The following ABCA5 variants were observed in gnomAD, a reference collection of about 807,000 sequenced individuals.
The protein encoded by ABCA5 is ATP binding cassette subfamily A member 5, also known as cholesterol transporter ABCA5.
ABCA5 carries 163 observed loss-of-function variants against 206.0 expected under a neutral mutation model. That is an observed-to-expected ratio of 0.79 (90% CI 0.70 to 0.90). The LOEUF (loss-of-function observed/expected upper bound fraction) is 0.90, where lower values mean the gene tolerates loss of function less well. ABCA5 is among the 40% of genes least tolerant of loss of function. ABCA5 has a pLI of 0.00. For missense variants in ABCA5, 1,859 were observed against 1,912.9 expected (o/e 0.97, Z 0.53); for synonymous variants, 609 against 613.8 (o/e 0.99, Z 0.11).
Position 69,285,904 on chromosome 17 carries a change from A to G in ABCA5, c.2266T>C (p.Phe756Leu). Residue 756 changes from phenylalanine to leucine, a missense_variant, in exon 17 of 39, where the codon TTT becomes CTT. Physicochemically the swap from Phe to Leu is conservative, Grantham distance 22. Transcript: ENST00000392676. ...GACTTAAAGTAAGTAATACCTGAAA[A>G]TTTGTCCATGTCCTTGAAAGGCAAG... ...YSLPFKDMDK[F>L]SGLFSALDSH... 3.1e-6 allele frequency: 5 copies of G among 1,611,120 alleles called. No individual in the cohort carries two copies. The highest frequency in any genetic ancestry group is 1.3e-5 in the African/African-American group (1 of 74,918).
intron 5 of ABCA5, 146 bp downstream of exon 5, chr17:69,308,134 T>TC (rs397726838): frequency 4.9e-6 from 2 of 408,004 alleles, no homozygotes; most frequent in Non-Finnish European, 8.5e-6. Flanking sequence ...AAATATGACT[T>TC]TTTTATCTTT....
At position 69,311,416 on chromosome 17, in the gene ABCA5, T is replaced by C. The variant is rs370737623; in HGVS notation, c.307+1676A>G. Among the ~76,000 whole-genome samples, 17 of 152,306 alleles carry C rather than the reference T, an allele frequency of 1.1e-4. No individual in the cohort carries two copies. The East Asian group carries it at 1.2e-3, about 10-fold the overall frequency. On this transcript the variant is annotated intron_variant, in intron 3 of 38. Transcript: ENST00000392676. ...AAATACAGAAGTCTAAAAAAATTTG[T>C]GTATATGTATACACTATTTTGGCAT...
chr17:69,270,256 A>G (rs1335518909), intron 22 of ABCA5, among the ~76,000 whole-genome samples: 1 of 152,134 alleles, frequency 6.6e-6, no homozygotes, highest in Non-Finnish European at 1.5e-5. Context: ...AGTTCTATCT[A>G]GAGGAAAAAT....
chr17:69,275,125 T>G (rs2075316952), intron 19 of ABCA5, among the ~76,000 whole-genome samples: 5 of 152,180 alleles, frequency 3.3e-5, no homozygotes, highest in African/African-American at 1.2e-4. Flanking sequence ...ATTTCAGGTG[T>G]GAGCCACTGC....
intron 23 of ABCA5, among the ~76,000 whole-genome samples, chr17:69,265,624 T>C (rs1041509225): frequency 2.6e-5 from 4 of 152,138 alleles, no homozygotes; most frequent in African/African-American, 9.6e-5. Context: ...GAAGGTATTA[T>C]ATGAAAGAGC....
In ABCA5 at chr17:69,304,679, C is replaced by T; in HGVS notation, c.920G>A (p.Gly307Glu). ...AGTTAAAATACTTACAGATGATAAT[C>T]CATAAAGGAAAAAAAGCAGAAATAT... ...IVIFLLFFLYGLSSVFFALML... is the reference protein window; with the variant it reads ...IVIFLLFFLYELSSVFFALML... Residue 307 changes from glycine (G) to glutamate (E), a missense_variant, in exon 7 of 39, where the codon GGA becomes GAA. Physicochemically the swap from Gly to Glu is moderately conservative, Grantham distance 98 (BLOSUM62 -2). Transcript: ENST00000392676. 2 of 1,584,470 alleles carry T rather than the reference C, an allele frequency of 1.3e-6. No individual in the cohort carries two copies. Among genetic ancestry groups the T allele is most frequent in the Non-Finnish European group, 1.7e-6 (2 of 1,166,208 alleles).
rs776002878 is a variant in ABCA5, at chr17:69,302,910, T to A, written c.931-4A>T. 6.9e-7 allele frequency: 1 copy of A among 1,454,594 alleles called. No individual in the cohort carries two copies. The highest frequency in any genetic ancestry group is 1.4e-5 in the South Asian group (1 of 70,342). The allele number at this position is 1,454,594 out of a possible 1,614,324, so 90.1% of individuals were successfully genotyped here. Reference sequence around the variant, plus strand: ...TCAGCATTAAAGCAAAAAATACCTATAAAATACAAATATTAAGGTTAGTGC... The same window carrying A: ...TCAGCATTAAAGCAAAAAATACCTAAAAAATACAAATATTAAGGTTAGTGC... On this transcript the variant is annotated splice_polypyrimidine_tract_variant and splice_region_variant and intron_variant, in intron 7 of 38. Coordinates refer to ENST00000392676, the MANE Select transcript of ABCA5 (RefSeq NM_172232.4).
At chr17:69,314,908 A>G (rs904690060) in intron 1 of ABCA5, 2 of 152,872 alleles carry the variant, frequency 1.3e-5, no homozygotes, top group Non-Finnish European at 1.5e-5. Context: ...GAGGCAGGAA[A>G]ACCTTTCTCT....
At chr17:69,293,373 T>C (rs2075549008) in intron 11 of ABCA5, among the ~76,000 whole-genome samples, 1 of 152,140 alleles carries the variant, frequency 6.6e-6, no homozygotes, top group Non-Finnish European at 1.5e-5. Flanking sequence ...CGCAAGAATC[T>C]GTTTCATTCT....
At chr17:69,313,369 T>C (rs2075788291) in intron 2 of ABCA5, 73 bp from the exon 3 acceptor site, 1 of 712,976 alleles carries the variant, frequency 1.4e-6, no homozygotes. Flanking sequence ...TCTTGGCAAA[T>C]AATATAATAC....
chr17:69,285,524 A>T (rs1392549984), intron 17 of ABCA5: 1 of 153,284 alleles, frequency 6.5e-6, no homozygotes, highest in Non-Finnish European at 1.5e-5. Flanking sequence ...TCATTATGAA[A>T]TCATGAAACT....
intron 22 of ABCA5, among the ~76,000 whole-genome samples, chr17:69,269,424 A>G (rs528730089): frequency 1.2e-4 from 18 of 152,304 alleles, no homozygotes; most frequent in African/African-American, 4.1e-4. Flanking sequence ...AATATGAGAT[A>G]CCTCTCCACA....
chr17:69,286,712 TGTTA>T (rs2075457964), intron 15 of ABCA5, among the ~76,000 whole-genome samples: 1 of 152,128 alleles, frequency 6.6e-6, no homozygotes, highest in Non-Finnish European at 1.5e-5. Flanking sequence ...GAAGAACAAA[TGTTA>T]GTTTGTTGGG....
At chr17:69,315,237 A>G (rs574879875) in intron 1 of ABCA5, 28 of 152,378 alleles carry the variant, frequency 1.8e-4, no homozygotes, top group African/African-American at 6.3e-4. Context: ...AAACTGAACT[A>G]ACAGACAGAC....
Position 69,259,718 on chromosome 17 carries a change from T to C in ABCA5, c.3719A>G (p.Asp1240Gly). ...KKYGGRSIRK[D>G]PFFRNLSTKS... Reference sequence around the variant, plus strand: ...AAAATCAACTGACCTGAAAAAGGGATCTTTTCTTATTGATCTGCCTCCATA... The same window carrying C: ...AAAATCAACTGACCTGAAAAAGGGACCTTTTCTTATTGATCTGCCTCCATA... The change falls in exon 28 of 39, where the codon GAT (aspartate) becomes GGT (glycine). Residue 1240 changes from aspartate (D) to glycine (G), a missense_variant. Physicochemically the swap from Asp to Gly is moderately conservative, Grantham distance 94. Transcript: ENST00000392676. 6.2e-7 allele frequency: 1 copy of C among 1,602,132 alleles called. No individual in the cohort carries two copies. The highest frequency in any genetic ancestry group is 8.5e-7 in the Non-Finnish European group (1 of 1,171,360).
At chr17:69,266,401 G>C (rs2075208787) in intron 23 of ABCA5, among the ~76,000 whole-genome samples, 1 of 151,862 alleles carries the variant, frequency 6.6e-6, no homozygotes, top group Non-Finnish European at 1.5e-5. Context: ...AGAGTACACA[G>C]GATCTCTCTG....
At chr17:69,271,042 C>T in intron 21 of ABCA5, 120 bp downstream of exon 21, 1 of 1,231,940 alleles carries the variant, frequency 8.1e-7, no homozygotes, top group Non-Finnish European at 1.1e-6. Flanking sequence ...CTAGTTATTT[C>T]CAAAAGTAAA....
rs895114054 is a variant in ABCA5, at chr17:69,250,003, T to C, written c.4686-19A>G. The C allele has an allele frequency of 5.6e-6, 8 of 1,424,522 alleles. No homozygotes were observed. The African/African-American group carries it at 1.0e-4, about 18-fold the overall frequency. 88.2% of individuals were successfully genotyped at this position (1,424,522 alleles called of 1,614,324 possible). A position where few individuals can be genotyped will look rare whatever the true frequency, so the allele number is the denominator to read the frequency against. ...AGAAAAACTGGAAAAAAAGATAAAA[T>C]ATGGAAAAAAATTAAAAATTACTAC... On this transcript the variant is annotated intron_variant, in intron 36 of 38. Transcript: ENST00000392676.
At chr17:69,283,901 T>C in intron 18 of ABCA5, 52 bp downstream of exon 18, 1 of 1,540,096 alleles carries the variant, frequency 6.5e-7, no homozygotes, top group Middle Eastern at 1.8e-4. Context: ...TTTGTCTTAT[T>C]CACCATCTGT....
Sources: gnomAD v4.1 joint callset for allele counts (sites outside exome capture counted in the v4.1 genomes callset) on GRCh38, gnomAD v4.1.1 for gene constraint, MANE v1.5 for transcripts, NCBI Gene and HGNC (gene_info 2026-07-23, HGNC 2026-07-21) for gene names.